The following LRRTM3 variants were observed in gnomAD, a reference collection of about 807,000 sequenced individuals.
The protein encoded by LRRTM3 is leucine rich repeat transmembrane neuronal 3.
A neutral mutation model predicts 44.7 loss-of-function variants in LRRTM3; 24 were observed. The observed-to-expected ratio is 0.54, with a 90% CI of 0.39 to 0.76. The LOEUF (loss-of-function observed/expected upper bound fraction) is 0.76. Ranked by LOEUF, LRRTM3 falls within the 30% of genes least tolerant of loss-of-function variation. LRRTM3 has a pLI of 0.00. For synonymous variants in LRRTM3, 277 were observed against 278.7 expected, an observed-to-expected ratio of 0.99 and a Z score of 0.06; for missense variants, 587 against 702.2, an observed-to-expected ratio of 0.84 and a Z score of 1.85.
rs568287367 is a variant in LRRTM3 at position 67,059,834 on chromosome 10, A to G, written c.1537-37753A>G. ...ATACTAATGTATATTTGCATATATA[A>G]TAGCATGTATGTCTTTATTTTGCTA... On this transcript the variant is annotated intron_variant, in intron 2 of 2. Transcript: ENST00000361320. Among the ~76,000 whole-genome samples the G allele has an allele frequency of 2.0e-5, 3 of 152,338 alleles. No individual in the cohort carries two copies. The East Asian group carries it at 5.8e-4, about 29-fold the overall frequency.
intron 2 of LRRTM3, among the ~76,000 whole-genome samples, chr10:67,076,398 A>G (rs1165520233): frequency 1.3e-5 from 2 of 152,244 alleles, no homozygotes; most frequent in Non-Finnish European, 2.9e-5. Context: ...CACAGGGGAA[A>G]GGAGCAAAGT....
intron 2 of LRRTM3, among the ~76,000 whole-genome samples, chr10:67,086,142 G>C (rs188675649): frequency 5.9e-5 from 9 of 152,064 alleles, no homozygotes; most frequent in African/African-American, 2.2e-4. Context: ...ATGGATGAAG[G>C]GGTGGAAGAA....
In LRRTM3 at chr10:66,927,950, A is replaced by G. The variant is rs1484570489; in HGVS notation, c.1034A>G (p.Glu345Gly). ...ENTIICASPKELQGVNVIDAV... is the reference protein window; with the variant it reads ...ENTIICASPKGLQGVNVIDAV... ...ACAATTATCTGTGCCAGTCCCAAAGAGCTGCAAGGAGTAAATGTGATCGAT... is the reference window on the plus strand; with the variant it reads ...ACAATTATCTGTGCCAGTCCCAAAGGGCTGCAAGGAGTAAATGTGATCGAT... The change falls in exon 2 of 3, where the codon GAG becomes GGG. Residue 345 changes from glutamate (E) to glycine (G), a missense_variant. Coordinates refer to ENST00000361320, the MANE Select transcript of LRRTM3 (RefSeq NM_178011.5). This position sits in a 1 kb window ranked among gnomAD's most constrained non-coding sequence, Gnocchi z 4.7. 6.2e-7 allele frequency: 1 copy of G among 1,614,126 alleles called. No homozygotes were observed. The highest frequency in any genetic ancestry group is 1.3e-5 in the African/African-American group (1 of 74,944).
At chr10:66,963,847 T>A (rs957476793) in intron 2 of LRRTM3, among the ~76,000 whole-genome samples, 4 of 18,168 alleles carry the variant, frequency 2.2e-4, no homozygotes, top group Non-Finnish European at 6.3e-4. Context: ...AGACATCAAT[T>A]TTTTTTTTTT....
chr10:66,927,759 G>A lies in LRRTM3; in HGVS notation c.843G>A (p.Gln281=). Residue 281 remains glutamine (Q), a synonymous_variant, in exon 2 of 3, where the codon CAG becomes CAA. Coordinates refer to ENST00000361320, the MANE Select transcript of LRRTM3 (RefSeq NM_178011.5). This position sits in a 1 kb window ranked among gnomAD's most constrained non-coding sequence, Gnocchi z 4.7. ...PSVFQCVPNL[Q]RLNLDSNKLT... is the part of the protein sequence containing the mutation. ...TTTTCCAGTGTGTCCCGAATCTGCA[G>A]CGCCTCAACCTGGATTCCAACAAGC... 6.2e-7 allele frequency: 1 copy of A among 1,614,180 alleles called. No homozygotes were observed. Among genetic ancestry groups the A allele is most frequent in the Non-Finnish European group, 8.5e-7 (1 of 1,180,028 alleles).
chr10:67,033,844 C>T (rs1010235188), intron 2 of LRRTM3, among the ~76,000 whole-genome samples: 1 of 152,144 alleles, frequency 6.6e-6, no homozygotes, highest in Non-Finnish European at 1.5e-5. Context: ...GATCTCAGCT[C>T]ACCGCAACCT....
In LRRTM3 at chr10:66,961,447, C is replaced by G. The variant is rs557437306; in HGVS notation, c.1536+32995C>G. Among the ~76,000 whole-genome samples, 3 of 152,316 alleles carry G rather than the reference C, an allele frequency of 2.0e-5. No homozygotes were observed. The South Asian group carries it at 6.2e-4, about 32-fold the overall frequency. On this transcript the variant is annotated intron_variant, in intron 2 of 2. Coordinates refer to ENST00000361320, the MANE Select transcript of LRRTM3 (RefSeq NM_178011.5). ...CTTAACCTACCATCTTCATTACATTCAAGCATGCCACTCACTGGTGATTTT... is the reference window on the plus strand; with the variant it reads ...CTTAACCTACCATCTTCATTACATTGAAGCATGCCACTCACTGGTGATTTT...
intron 2 of LRRTM3, chr10:67,015,503 T>C (rs1318387273): frequency 6.6e-6 from 1 of 152,210 alleles, no homozygotes; most frequent in Non-Finnish European, 1.5e-5. Flanking sequence ...CTCTGGGTTC[T>C]CATATTACGT....
chr10:67,087,151 A>G (rs1857354039), intron 2 of LRRTM3, among the ~76,000 whole-genome samples: 1 of 152,068 alleles, frequency 6.6e-6, no homozygotes, highest in South Asian at 2.1e-4. Context: ...AGAAAGATTT[A>G]CATGTAAATG....
At chr10:67,024,693 G>A (rs1853243448) in intron 2 of LRRTM3, among the ~76,000 whole-genome samples, 1 of 152,166 alleles carries the variant, frequency 6.6e-6, no homozygotes, top group African/African-American at 2.4e-5. Flanking sequence ...CATTGATCTT[G>A]TTAATGCTCA....
intron 2 of LRRTM3, among the ~76,000 whole-genome samples, chr10:67,011,293 A>G (rs1486501957): frequency 6.6e-6 from 1 of 150,942 alleles, no homozygotes; most frequent in Non-Finnish European, 1.5e-5. Flanking sequence ...GTGAGCCAAG[A>G]TCATGCCACT....
chr10:67,074,818 T>G (rs758801034), intron 2 of LRRTM3, among the ~76,000 whole-genome samples: 15 of 151,916 alleles, frequency 9.9e-5, no homozygotes, highest in African/African-American at 2.9e-4. Context: ...CATAATTTAT[T>G]TATGTATGTA....
intron 2 of LRRTM3, among the ~76,000 whole-genome samples, chr10:66,971,008 T>C (rs1430550663): frequency 6.6e-6 from 1 of 152,178 alleles, no homozygotes; most frequent in Non-Finnish European, 1.5e-5. Flanking sequence ...TGCAAGTTTA[T>C]TTGCCTTTCT....
At chr10:66,995,807 A>C (rs555528978) in intron 2 of LRRTM3, among the ~76,000 whole-genome samples, 12 of 152,290 alleles carry the variant, frequency 7.9e-5, no homozygotes, top group African/African-American at 2.2e-4. Flanking sequence ...GGTCTAATAC[A>C]AGCATTACTG....
At chr10:67,060,787 T>C (rs1855713051) in intron 2 of LRRTM3, among the ~76,000 whole-genome samples, 1 of 152,198 alleles carries the variant, frequency 6.6e-6, no homozygotes, top group Admixed American at 6.5e-5. Flanking sequence ...CTATGGTCCT[T>C]AAAACTAGGT....
At chr10:67,000,600 T>C (rs566750417) in intron 2 of LRRTM3, among the ~76,000 whole-genome samples, 1 of 151,238 alleles carries the variant, frequency 6.6e-6, no homozygotes, top group East Asian at 1.9e-4. Flanking sequence ...CATGAACTTA[T>C]ATAATTTACC....
intron 2 of LRRTM3, among the ~76,000 whole-genome samples, chr10:66,944,854 T>C (rs539973093): frequency 5.9e-5 from 9 of 152,222 alleles, no homozygotes; most frequent in African/African-American, 1.9e-4. Flanking sequence ...GGTGACCAGA[T>C]GCATTATCAG....
At chr10:66,989,394 C>G (rs1344655531) in intron 2 of LRRTM3, among the ~76,000 whole-genome samples, 1 of 152,124 alleles carries the variant, frequency 6.6e-6, no homozygotes, top group African/African-American at 2.4e-5. Context: ...CAAAATCTTG[C>G]TTCTTGATTA....
At chr10:67,022,230 A>G in intron 2 of LRRTM3, among the ~76,000 whole-genome samples, 1 of 152,168 alleles carries the variant, frequency 6.6e-6, no homozygotes, top group East Asian at 1.9e-4. Flanking sequence ...AGGAAATTCA[A>G]AAAAGCTACA....
Sources: gnomAD v4.1 joint callset for allele counts (sites outside exome capture counted in the v4.1 genomes callset) on GRCh38, gnomAD v4.1.1 for gene constraint, Gnocchi (gnomAD v3.1) non-coding constraint, MANE v1.5 for transcripts, NCBI Gene and HGNC (gene_info 2026-07-23, HGNC 2026-07-21) for gene names.